Variants in KCNT1 observed in about 807,000 individuals in gnomAD.
KCNT1 encodes the protein potassium sodium-activated channel subfamily T member 1, also known as potassium channel subfamily T member 1.
KCNT1 carries 78 observed loss-of-function variants against 147.8 expected under a neutral mutation model. The ratio of observed to expected loss-of-function variants is 0.53; its 90% CI spans 0.44 to 0.64. KCNT1 has a LOEUF of 0.64. Ranked by LOEUF, KCNT1 falls within the 30% of genes least tolerant of loss-of-function variation. The pLI is 0.00. For synonymous variants in KCNT1, 867 were observed against 748.8 expected (o/e 1.16, Z -2.58); for missense variants, 1,419 against 1,750.3 (o/e 0.81, Z 3.38).
At chr9:135,707,137 T>A (rs1409895855) in intron 1 of KCNT1, among the ~76,000 whole-genome samples, 1 of 150,000 alleles carries the variant, frequency 6.7e-6, no homozygotes, top group East Asian at 2.0e-4. Flanking sequence ...AAAAAAAAAA[T>A]TAAAAATTAA....
intron 2 of KCNT1, among the ~76,000 whole-genome samples, chr9:135,732,021 GAGAGAGAGA>G (rs1564328265): frequency 7.6e-6 from 1 of 131,578 alleles, no homozygotes; most frequent in Non-Finnish European, 1.6e-5. Context: ...GAGAGAGAGA[GAGAGAGAGA>G]GAGAGAGAGA....
At chr9:135,702,424 C>CT in intron 1 of KCNT1, 56 bp downstream of exon 1, 1 of 1,367,326 alleles carries the variant, frequency 7.3e-7, no homozygotes, top group Non-Finnish European at 1.0e-6. Flanking sequence ...CCTAAGACCC[C>CT]CAAGTTCCCC....
At chr9:135,731,998 A>AGAGAGG (rs1836483120) in intron 2 of KCNT1, among the ~76,000 whole-genome samples, 1 of 55,234 alleles carries the variant, frequency 1.8e-5, no homozygotes, top group African/African-American at 6.6e-5. Context: ...ATATAGAGAG[A>AGAGAGG]GAGAGAGAGA....
intron 27 of KCNT1, 28 bp downstream of exon 27, chr9:135,784,917 T>G (rs1564391643): frequency 2.5e-6 from 4 of 1,608,346 alleles, no homozygotes; most frequent in African/African-American, 1.3e-5. Flanking sequence ...GGGCTGGGAC[T>G]GTGGCAGCCC....
chr9:135,753,660 C>T, intron 4 of KCNT1: 1 of 541,096 alleles, frequency 1.8e-6, no homozygotes, highest in Non-Finnish European at 3.3e-6. Context: ...CCCAATCCCG[C>T]AGATGTGGGA....
intron 2 of KCNT1, among the ~76,000 whole-genome samples, chr9:135,720,037 G>A (rs902472873): frequency 5.3e-5 from 8 of 152,154 alleles, no homozygotes; most frequent in African/African-American, 1.9e-4. Context: ...CTGGGAACAC[G>A]GGGCAGCGGG....
intron 20 of KCNT1, among the ~76,000 whole-genome samples, chr9:135,775,773 C>T (rs1833126810): frequency 6.6e-6 from 1 of 152,216 alleles, no homozygotes; most frequent in Non-Finnish European, 1.5e-5. Context: ...GGGACCCCGG[C>T]CCGGCATGGG....
In KCNT1 at chr9:135,758,120, G is replaced by A. The variant is rs114615738; in HGVS notation, c.760-294G>A. Among the ~76,000 whole-genome samples, 1,172 of 150,910 alleles carry A rather than the reference G, an allele frequency of 7.8e-3. 7 individuals carry two copies. Among genetic ancestry groups the A allele is most frequent in the African/African-American group, 0.018 (753 of 41,126 alleles). ...GTGGGCTGCCCCTTGGGCCTCAGCC[G>A]AGACACAGGTGTGGCCGTGGGCTGC... On this transcript the variant is annotated intron_variant, in intron 9 of 30. Coordinates refer to ENST00000371757, the MANE Select transcript of KCNT1 (RefSeq NM_020822.3).
Position 135,771,143 on chromosome 9 carries a change from G to A in KCNT1, c.2008+48G>A, listed in dbSNP as rs373027556. 3.9e-3 allele frequency: 6,055 copies of A among 1,533,400 alleles called. 22 individuals carry two copies. Among genetic ancestry groups the A allele is most frequent in the Admixed American group, 5.7e-3 (314 of 55,414 alleles). 95.0% of individuals were successfully genotyped at this position (1,533,400 alleles called of 1,614,324 possible). ...GACTCCCTGGGCCTGCTCCTTTGGC[G>A]GGAGACCAGGCGGGACACCGGCAGG... On this transcript the variant is annotated intron_variant, in intron 18 of 30. Transcript: ENST00000371757.
In KCNT1 at chr9:135,779,486, C is replaced by T. The variant is rs752438432; in HGVS notation, c.2841+16C>T. On this transcript the variant is annotated intron_variant, in intron 24 of 30. Coordinates refer to ENST00000371757, the MANE Select transcript of KCNT1 (RefSeq NM_020822.3). ...ACTAGAAAAGGTGAGCAGCCCTGCCCCGTGCCAGCTGCCACCCCAGAATCC... is the reference window on the plus strand; with the variant it reads ...ACTAGAAAAGGTGAGCAGCCCTGCCTCGTGCCAGCTGCCACCCCAGAATCC... 7.1e-6 allele frequency: 11 copies of T among 1,556,236 alleles called. No individual in the cohort carries two copies. The highest frequency in any genetic ancestry group is 8.9e-6 in the Non-Finnish European group (10 of 1,127,642).
At chr9:135,785,215 A>G in intron 27 of KCNT1, 95 bp from the exon 28 acceptor site, 7 of 1,552,110 alleles carry the variant, frequency 4.5e-6, no homozygotes, top group Non-Finnish European at 5.3e-6. Flanking sequence ...CGTGCCCACC[A>G]GCCCTAAGCA....
intron 2 of KCNT1, among the ~76,000 whole-genome samples, chr9:135,738,378 G>A (rs545620389): frequency 5.3e-5 from 8 of 152,330 alleles, no homozygotes; most frequent in South Asian, 2.1e-4. Context: ...AACAGGGCTC[G>A]CGCTGAGATG....
At chr9:135,769,352 C>T (rs911494183) in intron 15 of KCNT1, among the ~76,000 whole-genome samples, 7 of 152,150 alleles carry the variant, frequency 4.6e-5, no homozygotes, top group African/African-American at 1.4e-4. Context: ...CATGTGCACG[C>T]AGTTAGGCGA....
At chr9:135,725,403 C>T (rs1051517860) in intron 2 of KCNT1, among the ~76,000 whole-genome samples, 1 of 152,204 alleles carries the variant, frequency 6.6e-6, no homozygotes, top group Non-Finnish European at 1.5e-5. Flanking sequence ...AGAGAAGGAA[C>T]AAACCCAGAG....
rs751882330 is a variant in KCNT1 at position 135,792,368 on chromosome 9, G to GT, written c.*213dup. ...GGGCACCTGCAGGCTAGTGAGGAGA[G>GT]TTTTTTAACCTATTTTTACACGTCG... On this transcript the variant is annotated 3_prime_UTR_variant, in exon 31 of 31. Transcript: ENST00000371757. 779 of 565,586 alleles carry GT rather than the reference G, an allele frequency of 1.4e-3. 6 individuals are homozygous for GT. Among genetic ancestry groups the GT allele is most frequent in the Middle Eastern group, 5.8e-3 (12 of 2,054 alleles). 35.0% of individuals were successfully genotyped at this position (565,586 alleles called of 1,614,324 possible).
At chr9:135,717,922 C>A (rs1319458727) in intron 2 of KCNT1, among the ~76,000 whole-genome samples, 2 of 152,204 alleles carry the variant, frequency 1.3e-5, no homozygotes, top group African/African-American at 4.8e-5. Context: ...CTCTCATGAC[C>A]CCGATGCTGG....
chr9:135,721,402 GC>G, intron 2 of KCNT1, among the ~76,000 whole-genome samples: 1 of 152,210 alleles, frequency 6.6e-6, no homozygotes, highest in Non-Finnish European at 1.5e-5. Flanking sequence ...TCCCAGTCCT[GC>G]CCCTGGCCCT....
chr9:135,710,177 A>C (rs1037451086), intron 1 of KCNT1, among the ~76,000 whole-genome samples: 1 of 152,136 alleles, frequency 6.6e-6, no homozygotes, highest in Non-Finnish European at 1.5e-5. Flanking sequence ...GGAATAGATG[A>C]TTTTTGGGTT....
In KCNT1 at chr9:135,757,723, C is replaced by T. The variant is rs113770910; in HGVS notation, c.759+342C>T. On this transcript the variant is annotated intron_variant, in intron 9 of 30. Transcript: ENST00000371757. ...CCAGGCCACACGCAAACTGGGGCCA[C>T]GGGGCCACAGGCAGGCCCTGTGCTG... is the stretch of plus-strand genomic sequence containing the variant. 5.5e-4 allele frequency among the ~76,000 whole-genome samples: 84 copies of T among 152,292 alleles called. 2 individuals are homozygous for T. Among genetic ancestry groups the T allele is most frequent in the African/African-American group, 2.0e-3 (82 of 41,572 alleles).
Sources: gnomAD v4.1 joint callset for allele counts (sites outside exome capture counted in the v4.1 genomes callset) on GRCh38, gnomAD v4.1.1 for gene constraint, MANE v1.5 for transcripts, NCBI Gene and HGNC (gene_info 2026-07-23, HGNC 2026-07-21) for gene names.